Variants in TLK2 observed in about 807,000 individuals in gnomAD.
The protein encoded by TLK2 is tousled like kinase 2, also known as serine/threonine-protein kinase tousled-like 2.
A neutral mutation model predicts 117.3 loss-of-function variants in TLK2; 6 were observed. The ratio of observed to expected loss-of-function variants is 0.05; its 90% confidence interval spans 0.03 to 0.10. TLK2 has a LOEUF of 0.10. Ranked by LOEUF, TLK2 falls within the 10% of genes least tolerant of loss-of-function variation. The pLI is 1.00. For synonymous variants in TLK2, 257 were observed against 316.7 expected (o/e 0.81, Z 2.00); for missense variants, 299 against 901.2 (o/e 0.33, Z 8.56).
intron 6 of TLK2, among the ~76,000 whole-genome samples, chr17:62,525,451 A>AT (rs397756034): frequency 0.067 from 9,324 of 139,340 alleles, 430 homozygotes; most frequent in Non-Finnish European, 0.1. Context: ...TATATATGTA[A>AT]TTTTTTTTTT....
chr17:62,525,335 A>C (rs2076298797), intron 6 of TLK2, among the ~76,000 whole-genome samples: 1 of 152,210 alleles, frequency 6.6e-6, no homozygotes, highest in Non-Finnish European at 1.5e-5. Context: ...TGTCTCATAA[A>C]AACCTTCATT....
chr17:62,595,961 A>G (rs1447579509), intron 16 of TLK2, among the ~76,000 whole-genome samples: 2 of 152,224 alleles, frequency 1.3e-5, no homozygotes, highest in African/African-American at 4.8e-5. Context: ...TGTTATTTTA[A>G]AATCTATGAT....
At chr17:62,539,753 C>T (rs575613098) in intron 7 of TLK2, among the ~76,000 whole-genome samples, 7 of 152,238 alleles carry the variant, frequency 4.6e-5, no homozygotes, top group South Asian at 2.1e-4. Context: ...CCTCCCGCCT[C>T]GGCCTCCCCA....
chr17:62,493,958 A>G (rs1199379664), intron 2 of TLK2, among the ~76,000 whole-genome samples: 1 of 152,176 alleles, frequency 6.6e-6, no homozygotes, highest in Non-Finnish European at 1.5e-5. Context: ...GGGTTTCACC[A>G]TGGTGAGCCA....
intron 7 of TLK2, among the ~76,000 whole-genome samples, chr17:62,539,523 AG>A (rs1270164799): frequency 7.6e-6 from 1 of 132,064 alleles, no homozygotes; most frequent in Non-Finnish European, 1.5e-5. Context: ...TCTGTTGCCC[AG>A]GCTGGAGTGC....
intron 6 of TLK2, among the ~76,000 whole-genome samples, chr17:62,527,027 C>T (rs1284317869): frequency 6.6e-6 from 1 of 152,202 alleles, no homozygotes; most frequent in Non-Finnish European, 1.5e-5. Flanking sequence ...CATCTGCAGC[C>T]ATTCTCCCTC....
rs764280789 is a variant in TLK2 at position 62,578,557 on chromosome 17, T to C, written c.1269T>C (p.His423=). Residue 423 remains histidine (H), a synonymous_variant, in exon 14 of 22, where the codon CAT becomes CAC. Transcript: ENST00000346027. ...NLHIRELKRI[H]NEDNSQFKDH... ...ATATCAGGGAACTAAAAAGGATACA[T>C]AATGAAGATAATTCACAGTAAGCTA... The C allele has an allele frequency of 6.2e-7, 1 of 1,613,410 alleles. No individual in the cohort carries two copies. Among genetic ancestry groups the C allele is most frequent in the East Asian group, 2.2e-5 (1 of 44,838 alleles).
chr17:62,576,966 CTTT>C (rs59523807), intron 13 of TLK2, among the ~76,000 whole-genome samples, 191 bp downstream of exon 13: 4 of 115,932 alleles, frequency 3.5e-5, no homozygotes, highest in Admixed American at 9.6e-5. Flanking sequence ...CTTTCTTCTT[CTTT>C]TTTTTTTTTT....
At chr17:62,483,758 C>T (rs147596413) in intron 2 of TLK2, among the ~76,000 whole-genome samples, 1 of 152,180 alleles carries the variant, frequency 6.6e-6, no homozygotes, top group East Asian at 1.9e-4. Flanking sequence ...CTGCCTCTGC[C>T]TCCCAGAGTG....
intron 2 of TLK2, among the ~76,000 whole-genome samples, chr17:62,508,174 T>TTG (rs1555608706): frequency 6.7e-6 from 1 of 149,540 alleles, no homozygotes; most frequent in Non-Finnish European, 1.5e-5. Flanking sequence ...CCTAGTTTTT[T>TTG]TTTTTTTTTT....
In TLK2 at chr17:62,536,344, A is replaced by G. The variant is rs753268735; in HGVS notation, c.531+7A>G. 1 of 1,609,458 alleles carries G rather than the reference A, an allele frequency of 6.2e-7. No individual in the cohort carries two copies. The highest frequency in any genetic ancestry group is 2.2e-5 in the East Asian group (1 of 44,768). ...CTGCTTCACTTTTGTTTCAGTGAGT[A>G]CAAAGCCTAAGTTAATTCATATCCT... On this transcript the variant is annotated splice_region_variant and intron_variant, in intron 7 of 21. Transcript: ENST00000346027.
upstream of TLK2, among the ~76,000 whole-genome samples, chr17:62,477,286 T>C (rs1252804831): frequency 6.6e-6 from 1 of 152,134 alleles, no homozygotes; most frequent in Non-Finnish European, 1.5e-5. Context: ...TCCTACCCTC[T>C]ACCCCCAACC....
At chr17:62,561,043 G>A (rs1376535403) in intron 10 of TLK2, among the ~76,000 whole-genome samples, 3 of 152,024 alleles carry the variant, frequency 2.0e-5, no homozygotes, top group Admixed American at 6.6e-5. Flanking sequence ...TGTTCTCATT[G>A]TTCAATTCCC....
At chr17:62,567,236 T>TAACAA (rs2079868999) in intron 11 of TLK2, among the ~76,000 whole-genome samples, 1 of 151,984 alleles carries the variant, frequency 6.6e-6, no homozygotes, top group Admixed American at 6.6e-5. Context: ...CCCTGTCTCA[T>TAACAA]AACAAAACAA....
At chr17:62,487,303 A>G (rs181926263) in intron 2 of TLK2, among the ~76,000 whole-genome samples, 3 of 151,698 alleles carry the variant, frequency 2.0e-5, no homozygotes, top group Admixed American at 6.6e-5. Context: ...AAAAAAAAAA[A>G]AAAGAAAGAA....
At chr17:62,532,274 C>T (rs2076795449) in intron 6 of TLK2, among the ~76,000 whole-genome samples, 1 of 152,074 alleles carries the variant, frequency 6.6e-6, no homozygotes, top group Non-Finnish European at 1.5e-5. Context: ...AAGGCTGTAG[C>T]CTACATAGTG....
At chr17:62,504,060 T>C (rs889909531) in intron 2 of TLK2, among the ~76,000 whole-genome samples, 2 of 152,176 alleles carry the variant, frequency 1.3e-5, no homozygotes, top group Non-Finnish European at 2.9e-5. Context: ...TTGTGACTTG[T>C]TGAATAATTT....
At chr17:62,590,883 C>T (rs2082026526) in intron 16 of TLK2, among the ~76,000 whole-genome samples, 1 of 152,186 alleles carries the variant, frequency 6.6e-6, no homozygotes, top group Admixed American at 6.5e-5. Context: ...GCCCTTAAGC[C>T]TTTAAATTCT....
intron 6 of TLK2, among the ~76,000 whole-genome samples, chr17:62,527,668 TAA>T (rs1305343099): frequency 6.6e-6 from 1 of 152,164 alleles, no homozygotes; most frequent in African/African-American, 2.4e-5. Flanking sequence ...TGGTGTGTTA[TAA>T]GTTTAATTTT....
Sources: allele counts gnomAD v4.1 joint callset (sites outside exome capture counted in the v4.1 genomes callset), GRCh38; gene constraint gnomAD v4.1.1; transcripts MANE v1.5; gene names NCBI Gene and HGNC (gene_info 2026-07-23, HGNC 2026-07-21).